The following DAPK3 variants were observed in gnomAD, a reference collection of about 807,000 sequenced individuals.
DAPK3 encodes the protein death associated protein kinase 3, also known as death-associated protein kinase 3.
DAPK3 carries 24 observed loss-of-function variants against 30.6 expected under a neutral mutation model. The observed-to-expected ratio is 0.78, with a 90% CI of 0.57 to 1.10. The LOEUF (loss-of-function observed/expected upper bound fraction) is 1.10. DAPK3 is among the 50% of genes least tolerant of loss of function. The pLI, the probability that DAPK3 is intolerant of heterozygous loss-of-function variation, is 0.00. For synonymous variants in DAPK3, 341 were observed against 284.0 expected (o/e 1.20, Z -2.02); for missense variants, 629 against 657.3 (o/e 0.96, Z 0.47).
rs1036454430 is a variant in DAPK3 at position 3,965,001 on chromosome 19, G to C, written c.63-10C>G. The C allele has an allele frequency of 3.2e-6, 5 of 1,563,284 alleles. No individual in the cohort carries two copies. In the Admixed American group the frequency reaches 8.4e-5, roughly 26 times the overall value. The stretch of plus-strand genomic sequence containing the variant: ...GATCGCAAACTGGCCGCTGGAGGAG[G>C]GGGAGGGAGTGAGTGGGGGTGGAGG... On this transcript the variant is annotated splice_polypyrimidine_tract_variant and intron_variant, in intron 2 of 8. Coordinates refer to ENST00000545797, the MANE Select transcript of DAPK3 (RefSeq NM_001348.3).
chr19:3,964,764 G>C lies in DAPK3; in HGVS notation c.290C>G (p.Ser97Cys), dbSNP rs200475430. 2.5e-6 allele frequency: 4 copies of C among 1,612,478 alleles called. No homozygotes were observed. Among genetic ancestry groups the C allele is most frequent in the Non-Finnish European group, 3.4e-6 (4 of 1,178,920 alleles). The stretch of plus-strand genomic sequence containing the variant: ...CAGGAAGTCAAAGAGCTCCCCGCCA[G>C]AGACCAGCTCCAGGATGAGGACCAC... ...TDVVLILELV[S>C]GGELFDFLAE... The change falls in exon 3 of 9, where the codon TCT becomes TGT. Residue 97 changes from serine (S) to cysteine (C), a missense_variant. Physicochemically the swap from Ser to Cys is moderately radical, Grantham distance 112 (BLOSUM62 -1). Coordinates refer to ENST00000545797, the MANE Select transcript of DAPK3 (RefSeq NM_001348.3).
chr19:3,965,901 A>G lies in DAPK3; in HGVS notation c.63-910T>C, dbSNP rs141554829. On this transcript the variant is annotated intron_variant, in intron 2 of 8. Coordinates refer to ENST00000545797, the MANE Select transcript of DAPK3 (RefSeq NM_001348.3). Reference sequence around the variant, plus strand: ...CGCTGGTCTCGAACTCCTGGGCTCAAGTGATCCCTCCCAAGTAGGTGGGAC... The same window carrying G: ...CGCTGGTCTCGAACTCCTGGGCTCAGGTGATCCCTCCCAAGTAGGTGGGAC... 6.6e-5 allele frequency among the ~76,000 whole-genome samples: 10 copies of G among 152,154 alleles called. No homozygotes were observed. The East Asian group carries it at 1.9e-3, about 29-fold the overall frequency.
intron 2 of DAPK3, among the ~76,000 whole-genome samples, chr19:3,965,763 C>T (rs796831897): frequency 1.3e-5 from 2 of 151,952 alleles, no homozygotes; most frequent in African/African-American, 4.8e-5. Flanking sequence ...CTCCTGGGCT[C>T]GGGCAATCCT....
At chr19:3,961,806 TCA>T (rs1299225843) in intron 6 of DAPK3, 1 of 293,726 alleles carries the variant, frequency 3.4e-6, no homozygotes, top group East Asian at 7.9e-5. Flanking sequence ...TGTGGGGACC[TCA>T]GAGAGGACAG....
chr19:3,964,578 ATCCC>A, intron 3 of DAPK3, 49 bp downstream of exon 3: 2 of 530,238 alleles, frequency 3.8e-6, no homozygotes, highest in Non-Finnish European at 5.5e-6. Context: ...TCCCCGCCCC[ATCCC>A]CACCCCCACA....
chr19:3,960,059 C>T lies in DAPK3; in HGVS notation c.828G>A (p.Lys276=), dbSNP rs368735457. 4 of 1,544,892 alleles carry T rather than the reference C, an allele frequency of 2.6e-6. No homozygotes were observed. The highest frequency in any genetic ancestry group is 1.1e-5 in the South Asian group (1 of 89,558). ...GGAGCTCCCCCACCTCCCCACTTACCTTAATCCAGGAATGTTCCAGGCTCT... is the reference window on the plus strand; with the variant it reads ...GGAGCTCCCCCACCTCCCCACTTACTTTAATCCAGGAATGTTCCAGGCTCT... ...IAQSLEHSWI[K]AIRRRNVRGE... Residue 276 remains lysine (K), a splice_region_variant and synonymous_variant, in exon 8 of 9, where the codon AAG becomes AAA. Transcript: ENST00000545797.
At chr19:3,960,033 G>A in intron 8 of DAPK3, 26 bp downstream of exon 8, 1 of 1,344,238 alleles carries the variant, frequency 7.4e-7, no homozygotes, top group Non-Finnish European at 1.1e-6. Flanking sequence ...GGGAAGCCCA[G>A]GGAGCTCCCC....
rs370261717 is a variant in DAPK3, at chr19:3,961,155, G to A, written c.636C>T (p.Ser212=). 225 of 1,611,466 alleles carry A rather than the reference G, an allele frequency of 1.4e-4. No individual in the cohort carries two copies. Among genetic ancestry groups the A allele is most frequent in the Non-Finnish European group, 1.8e-4 (217 of 1,179,110 alleles). The part of the protein sequence containing the change: ...SIGVITYILL[S]GASPFLGETK... ...TCTCGCCCAGGAACGGGGATGCACCGCTCAGGCTGCGAGACAGGCGTGGGG... is the reference window on the plus strand; with the variant it reads ...TCTCGCCCAGGAACGGGGATGCACCACTCAGGCTGCGAGACAGGCGTGGGG... Residue 212 remains serine (S), a synonymous_variant, in exon 7 of 9, where the codon AGC becomes AGT. Coordinates refer to ENST00000545797, the MANE Select transcript of DAPK3 (RefSeq NM_001348.3).
At chr19:3,970,287 G>A (rs1390819124) in intron 1 of DAPK3, among the ~76,000 whole-genome samples, 1 of 152,084 alleles carries the variant, frequency 6.6e-6, no homozygotes, top group Non-Finnish European at 1.5e-5. Flanking sequence ...TTTTTGAGAA[G>A]GAGTCTCGCT....
chr19:3,968,828 G>A (rs1012121483), intron 2 of DAPK3, among the ~76,000 whole-genome samples: 1 of 152,160 alleles, frequency 6.6e-6, no homozygotes, highest in Non-Finnish European at 1.5e-5. Context: ...GGAGGCTCCA[G>A]GGAGGCTGGC....
intron 7 of DAPK3, 71 bp from the exon 8 acceptor site, chr19:3,960,175 C>T (rs1209229747): frequency 7.1e-6 from 6 of 841,058 alleles, no homozygotes; most frequent in Middle Eastern, 2.2e-4. Flanking sequence ...AACTGACTCC[C>T]GGGACCCCCA....
chr19:3,964,533 T>G, intron 3 of DAPK3, 98 bp downstream of exon 3: 1 of 755,894 alleles, frequency 1.3e-6, no homozygotes, highest in Non-Finnish European at 1.9e-6. Flanking sequence ...TCCCCACACC[T>G]CACCCCCACG....
At chr19:3,967,421 C>A (rs1388970828) in intron 2 of DAPK3, among the ~76,000 whole-genome samples, 1 of 151,164 alleles carries the variant, frequency 6.6e-6, no homozygotes, top group Non-Finnish European at 1.5e-5. Context: ...GCATTGCACT[C>A]CAGCCCGGGC....
chr19:3,964,679 G>T lies in DAPK3; in HGVS notation c.375C>A (p.Asp125Glu), dbSNP rs763048239. 4 of 1,586,620 alleles carry T rather than the reference G, an allele frequency of 2.5e-6. No individual in the cohort carries two copies. The African/African-American group carries it at 5.5e-5, about 22-fold the overall frequency. Residue 125 changes from aspartate to glutamate, a missense_variant, in exon 3 of 9, where the codon GAC becomes GAA. Asp to Glu is a conservative substitution (Grantham distance 45). This residue lies in a region of DAPK3 where 306 missense variants were observed against 378.5 expected (regional missense o/e 0.81). Transcript: ENST00000545797. ...EATQFLKQIL[D>E]GVHYLHSKRI... ...GCTTAGAGTGCAGGTAGTGAACGCC[G>T]TCCAGGATCTGCTTGAGGAACTGGG...
At chr19:3,964,588 C>G (rs1236667184) in intron 3 of DAPK3, 43 bp downstream of exon 3, 2 of 1,562,408 alleles carry the variant, frequency 1.3e-6, no homozygotes, top group Non-Finnish European at 1.7e-6. Flanking sequence ...ATCCCCACCC[C>G]CACACTGGCC....
At chr19:3,969,305 A>AT (rs59973574) in intron 2 of DAPK3, among the ~76,000 whole-genome samples, 2 of 151,854 alleles carry the variant, frequency 1.3e-5, no homozygotes, top group Non-Finnish European at 2.9e-5. Flanking sequence ...CACCTGGTTA[A>AT]TTTTTTTTCA....
At chr19:3,961,618 G>A in intron 6 of DAPK3, 1 of 439,510 alleles carries the variant, frequency 2.3e-6, no homozygotes, top group South Asian at 1.6e-5. Flanking sequence ...TTTGAGCAGA[G>A]ACACTGAAGC....
Position 3,964,999 on chromosome 19 carries a change from AG to A in DAPK3, c.63-9del. ...ACGATCGCAAACTGGCCGCTGGAGG[AG>A]GGGGAGGGAGTGAGTGGGGGTGGAG... On this transcript the variant is annotated splice_polypyrimidine_tract_variant and intron_variant, in intron 2 of 8. Coordinates refer to ENST00000545797, the MANE Select transcript of DAPK3 (RefSeq NM_001348.3). 6.7e-7 allele frequency: 1 copy of A among 1,496,952 alleles called. No homozygotes were observed. The allele number at this position is 1,496,952 out of a possible 1,614,324, so 92.7% of individuals were successfully genotyped here.
rs546830180 is a variant in DAPK3, at chr19:3,958,930, C to T, written c.*171G>A. On this transcript the variant is annotated 3_prime_UTR_variant, in exon 9 of 9. Coordinates refer to ENST00000545797, the MANE Select transcript of DAPK3 (RefSeq NM_001348.3). ...AGAAGCAGCCCCGTCCCACACCCAC[C>T]CCTGCCTGCGAACTTACGGGCCTGG... is the stretch of plus-strand genomic sequence containing the variant. The T allele has an allele frequency of 1.0e-5, 6 of 585,114 alleles. No individual in the cohort carries two copies. Among genetic ancestry groups the T allele is most frequent in the Admixed American group, 9.3e-5 (3 of 32,218 alleles). The allele number at this position is 585,114 out of a possible 1,614,324, so 36.2% of individuals were successfully genotyped here.
Sources: gnomAD v4.1 joint callset for allele counts (sites outside exome capture counted in the v4.1 genomes callset) on GRCh38, gnomAD v4.1.1 for gene constraint, gnomAD v4.1.1 regional missense constraint, MANE v1.5 for transcripts, NCBI Gene and HGNC (gene_info 2026-07-23, HGNC 2026-07-21) for gene names.